The following CIT variants were observed in gnomAD, a reference collection of about 807,000 sequenced individuals.
CIT encodes citron rho-interacting serine/threonine kinase.
CIT carries 79 observed loss-of-function variants against 272.7 expected under a neutral mutation model. The observed-to-expected ratio is 0.29, with a 90% confidence interval of 0.24 to 0.35. CIT has a LOEUF of 0.35. CIT is among the 10% of genes least tolerant of loss of function. The probability of loss-of-function intolerance (pLI) is 1.00; values close to 1 mark genes in which losing one functional copy is unlikely to be tolerated. For synonymous variants in CIT, 948 were observed against 995.6 expected (o/e 0.95, Z 0.90); for missense variants, 1,909 against 2,618.3 (o/e 0.73, Z 5.91).
chr12:119,723,430 T>C (rs932955594), intron 28 of CIT, among the ~76,000 whole-genome samples: 1 of 149,968 alleles, frequency 6.7e-6, no homozygotes, highest in Non-Finnish European at 1.5e-5. Context: ...AAGCGGGGCA[T>C]TTGTACTCTA....
chr12:119,856,268 G>A (rs1950166468), intron 4 of CIT, among the ~76,000 whole-genome samples: 2 of 152,084 alleles, frequency 1.3e-5, no homozygotes. Context: ...TGGTTCTTGG[G>A]GGAATGGGGA....
At chr12:119,813,057 C>T (rs189010106) in intron 9 of CIT, among the ~76,000 whole-genome samples, 90 of 152,362 alleles carry the variant, frequency 5.9e-4, no homozygotes, top group African/African-American at 2.0e-3. Context: ...CCCCCTCCGA[C>T]CCCGTTCATG....
At chr12:119,810,442 G>A (rs1402242016) in intron 9 of CIT, among the ~76,000 whole-genome samples, 1 of 152,092 alleles carries the variant, frequency 6.6e-6, no homozygotes, top group Non-Finnish European at 1.5e-5. Flanking sequence ...GCTCACACCT[G>A]TAATCCCAGC....
Position 119,694,785 on chromosome 12 carries a change from C to A in CIT, c.5882+2874G>T, listed in dbSNP as rs1178156718. Among the ~76,000 whole-genome samples, 1 of 151,814 alleles carries A rather than the reference C, an allele frequency of 6.6e-6. No homozygotes were observed. The highest frequency in any genetic ancestry group is 1.5e-5 in the Non-Finnish European group (1 of 67,982). ...TCACGCCACTGTGCTCCAGCCTGGG[C>A]ACAGAGTGAGACCCTACCTCGAAAA... On this transcript the variant is annotated intron_variant, in intron 46 of 47. Transcript: ENST00000392521. The surrounding 1 kb of genome is among the most constrained non-coding windows in gnomAD (Gnocchi z 4.5).
At chr12:119,698,233 GTTTGT>G in intron 44 of CIT, 179 bp from the exon 45 acceptor site, 1 of 637,978 alleles carries the variant, frequency 1.6e-6, no homozygotes, top group Non-Finnish European at 2.8e-6. Flanking sequence ...CTGCCGTGTG[GTTTGT>G]TACAGCAGAA....
intron 4 of CIT, among the ~76,000 whole-genome samples, chr12:119,851,277 T>TGA (rs1209198960): frequency 6.6e-6 from 1 of 152,236 alleles, no homozygotes; most frequent in African/African-American, 2.4e-5. Flanking sequence ...TATGTGTGTG[T>TGA]GTGAGTGCAC....
chr12:119,753,422 AC>A (rs1406556189), intron 22 of CIT, among the ~76,000 whole-genome samples: 1 of 152,172 alleles, frequency 6.6e-6, no homozygotes, highest in Non-Finnish European at 1.5e-5. Flanking sequence ...GGGGCAGAGA[AC>A]AAAGGACATA....
intron 18 of CIT, among the ~76,000 whole-genome samples, chr12:119,769,805 C>T (rs1475545707): frequency 6.6e-6 from 1 of 152,184 alleles, no homozygotes; most frequent in East Asian, 1.9e-4. Flanking sequence ...TATAAATACA[C>T]ACAAACAGAA....
intron 28 of CIT, among the ~76,000 whole-genome samples, chr12:119,726,805 G>A (rs1234089411): frequency 6.6e-6 from 1 of 152,132 alleles, no homozygotes; most frequent in African/African-American, 2.4e-5. Flanking sequence ...CTCTGGTTGG[G>A]GAGTGGGAGG....
At chr12:119,758,040 CA>C (rs1281622364) in intron 21 of CIT, among the ~76,000 whole-genome samples, 1 of 152,150 alleles carries the variant, frequency 6.6e-6, no homozygotes, top group Non-Finnish European at 1.5e-5. Context: ...CTCAAAGACC[CA>C]AAACACAGCC....
intron 46 of CIT, among the ~76,000 whole-genome samples, chr12:119,695,160 C>T (rs1481954169): frequency 1.3e-5 from 2 of 152,112 alleles, no homozygotes; most frequent in Non-Finnish European, 2.9e-5. Context: ...CAGCAAGAAC[C>T]GAATGTTTTG....
Position 119,857,590 on chromosome 12 carries a change from T to G in CIT, c.347A>C (p.Glu116Ala). 1 of 1,614,218 alleles carries G rather than the reference T, an allele frequency of 6.2e-7. No homozygotes were observed. Among genetic ancestry groups the G allele is most frequent in the South Asian group, 1.1e-5 (1 of 91,078 alleles). ...AGCATAGATGTCCCCGGTTGCTTTC[T>G]CTCTTACCACCTGCACTTCAGCAAA... is the stretch of plus-strand genomic sequence containing the variant. ...GHFAEVQVVREKATGDIYAMK... is the reference protein window; with the variant it reads ...GHFAEVQVVRAKATGDIYAMK... The change falls in exon 4 of 48, where the codon GAG becomes GCG. Residue 116 changes from glutamate (E) to alanine (A), a missense_variant. By Grantham distance (107) the Glu-to-Ala change is moderately radical. Around this residue, in one of 8 missense-constraint regions of CIT, gnomAD observed 529 missense variants for 549.6 expected, o/e 0.96. Coordinates refer to ENST00000392521, the MANE Select transcript of CIT (RefSeq NM_001206999.2).
Position 119,718,957 on chromosome 12 carries a change from C to T in CIT, c.3841-96G>A. On this transcript the variant is annotated intron_variant, in intron 30 of 47. Transcript: ENST00000392521. The surrounding 1 kb of genome is among the most constrained non-coding windows in gnomAD (Gnocchi z 4.8). The stretch of plus-strand genomic sequence containing the variant: ...ACTCGGGAGGAGCAAACCACAAAAG[C>T]CAGGAGCATACTCACTGTAAGTGTA... 2 of 1,223,078 alleles carry T rather than the reference C, an allele frequency of 1.6e-6. No homozygotes were observed. Among genetic ancestry groups the T allele is most frequent in the African/African-American group, 1.5e-5 (1 of 67,298 alleles). The allele number at this position is 1,223,078 out of a possible 1,614,324, so 75.8% of individuals were successfully genotyped here. A position where few individuals can be genotyped will look rare whatever the true frequency, so the allele number is the denominator to read the frequency against.
At chr12:119,773,642 A>T (rs894096506) in intron 16 of CIT, among the ~76,000 whole-genome samples, 7 of 152,226 alleles carry the variant, frequency 4.6e-5, no homozygotes, top group African/African-American at 1.2e-4. Context: ...CATGTTGGTC[A>T]GGCTGGTCTC....
intron 13 of CIT, among the ~76,000 whole-genome samples, chr12:119,780,447 T>A (rs1964182800): frequency 1.3e-5 from 2 of 151,946 alleles, no homozygotes; most frequent in African/African-American, 4.8e-5. Flanking sequence ...TGAAACCCCA[T>A]CTCTACTAAA....
At chr12:119,724,930 C>CAAAAAA (rs35757526) in intron 28 of CIT, among the ~76,000 whole-genome samples, 1 of 44,528 alleles carries the variant, frequency 2.2e-5, no homozygotes, top group Non-Finnish European at 4.3e-5. Flanking sequence ...GACTCCATCT[C>CAAAAAA]AAAAAAAAAA....
At chr12:119,742,308 T>A (rs1273013491) in intron 24 of CIT, 103 bp downstream of exon 24, 1 of 774,910 alleles carries the variant, frequency 1.3e-6, no homozygotes, top group Non-Finnish European at 2.0e-6. Flanking sequence ...AGCTGCAAGT[T>A]CGTATCAAAA....
rs1189349963 is a variant in CIT at position 119,843,745 on chromosome 12, G to T, written c.516+6429C>A. ...GAATTGCTTGAACCCGGGAGGCAGA[G>T]GTTGCAGTGAGCCAAGATCGCGCCA... On this transcript the variant is annotated intron_variant, in intron 5 of 47. Coordinates refer to ENST00000392521, the MANE Select transcript of CIT (RefSeq NM_001206999.2). Among the ~76,000 whole-genome samples, 4 of 152,124 alleles carry T rather than the reference G, an allele frequency of 2.6e-5. No homozygotes were observed. The East Asian group carries it at 5.9e-4, about 22-fold the overall frequency.
intron 13 of CIT, among the ~76,000 whole-genome samples, chr12:119,779,772 T>TCAG (rs1463375828): frequency 6.6e-6 from 1 of 152,176 alleles, no homozygotes; most frequent in Non-Finnish European, 1.5e-5. Context: ...AACCACTCTG[T>TCAG]CAGCTCTCCA....
Sources: allele counts gnomAD v4.1 joint callset (sites outside exome capture counted in the v4.1 genomes callset), GRCh38; gene constraint gnomAD v4.1.1; regional missense constraint gnomAD v4.1.1; non-coding constraint Gnocchi (gnomAD v3.1); transcripts MANE v1.5; gene names NCBI Gene and HGNC (gene_info 2026-07-23, HGNC 2026-07-21).